The following RTTN variants were observed in gnomAD, a reference collection of about 807,000 sequenced individuals.
The protein encoded by RTTN is rotatin.
In RTTN, 182 loss-of-function variants were observed where a neutral mutation model predicts 269.2. That is an observed-to-expected ratio of 0.68 (90% confidence interval 0.60 to 0.76). The LOEUF is 0.76. RTTN is among the 30% of genes least tolerant of loss of function. RTTN has a pLI of 0.00. For synonymous variants in RTTN, 1,006 were observed against 963.5 expected (o/e 1.04, Z -0.82); for missense variants, 2,545 against 2,608.6 (o/e 0.98, Z 0.53).
intron 44 of RTTN, among the ~76,000 whole-genome samples, 167 bp downstream of exon 44, chr18:70,024,555 T>C (rs190167918): frequency 6.6e-5 from 10 of 152,344 alleles, no homozygotes; most frequent in Admixed American, 1.3e-4. Flanking sequence ...CTAAAATATC[T>C]GTCTGCTCTC....
chr18:70,017,488 T>G lies in RTTN; in HGVS notation c.6340A>C (p.Lys2114Gln), dbSNP rs762696565. 6.2e-7 allele frequency: 1 copy of G among 1,614,076 alleles called. No homozygotes were observed. Among genetic ancestry groups the G allele is most frequent in the South Asian group, 1.1e-5 (1 of 91,086 alleles). The change falls in exon 46 of 49, where the codon AAG (lysine) becomes CAG (glutamine). Residue 2114 changes from lysine to glutamine, a missense_variant. Transcript: ENST00000640769. The stretch of plus-strand genomic sequence containing the variant: ...AGAAGAGGCAATAAAGGGCTGCTCT[T>G]GTGCTTGTATTTGCTCATCTCTGTT... ...LLTEMSKYKH[K>Q]SSPLLPLLIF...
chr18:70,020,496 C>A, intron 45 of RTTN, 119 bp downstream of exon 45: 1 of 1,023,182 alleles, frequency 9.8e-7, no homozygotes, highest in Non-Finnish European at 1.4e-6. Context: ...TTTTATAATC[C>A]TTTAAAATAA....
At position 70,201,880 on chromosome 18, in the gene RTTN, C is replaced by T. The variant is rs2061961357; in HGVS notation, c.487+14G>A. 2.6e-6 allele frequency: 4 copies of T among 1,535,922 alleles called. No individual in the cohort carries two copies. Among genetic ancestry groups the T allele is most frequent in the East Asian group, 2.3e-5 (1 of 44,096 alleles). On this transcript the variant is annotated intron_variant, in intron 4 of 48. Transcript: ENST00000640769. ...TCCCAAGTCAACAGGATTTACTTCC[C>T]GACATATACACACCCACTGGTCGTG...
intron 8 of RTTN, chr18:70,192,995 T>C (rs2061714209): frequency 3.9e-6 from 1 of 253,426 alleles, no homozygotes; most frequent in Non-Finnish European, 7.4e-6. Flanking sequence ...CAGAATACTA[T>C]TATGTGAACA....
intron 6 of RTTN, 41 bp downstream of exon 6, chr18:70,197,583 T>C: frequency 7.7e-7 from 1 of 1,304,718 alleles, no homozygotes; most frequent in Non-Finnish European, 1.1e-6. Context: ...TGCAAAAAGT[T>C]CTCTAGTTCA....
At chr18:70,074,573 T>C (rs563953439) in intron 33 of RTTN, among the ~76,000 whole-genome samples, 6 of 152,154 alleles carry the variant, frequency 3.9e-5, no homozygotes, top group Admixed American at 2.0e-4. Flanking sequence ...TATACACACA[T>C]ACACACACAT....
intron 28 of RTTN, among the ~76,000 whole-genome samples, chr18:70,094,398 T>C (rs1282627295): frequency 3.9e-5 from 6 of 152,192 alleles, no homozygotes; most frequent in African/African-American, 1.4e-4. Flanking sequence ...TGTTAGGGTG[T>C]CGATTTTAGA....
intron 14 of RTTN, among the ~76,000 whole-genome samples, chr18:70,157,158 A>C (rs888722673): frequency 4.0e-5 from 6 of 151,858 alleles, no homozygotes; most frequent in African/African-American, 1.5e-4. Context: ...CCACAAGTGC[A>C]CTCTCCCAAA....
chr18:70,101,585 G>T (rs142889469), intron 28 of RTTN, among the ~76,000 whole-genome samples: 1 of 151,852 alleles, frequency 6.6e-6, no homozygotes, highest in African/African-American at 2.4e-5. Flanking sequence ...CTTCATTTCT[G>T]CTCTGTTCTT....
chr18:70,042,383 TTTTTTTTTTTG>T (rs1433891488), intron 40 of RTTN, among the ~76,000 whole-genome samples: 5 of 138,498 alleles, frequency 3.6e-5, no homozygotes, highest in African/African-American at 1.4e-4. Flanking sequence ...TTTTTTTTTT[TTTTTTTTTTTG>T]AGACGGAGTC....
Position 70,092,163 on chromosome 18 carries a change from T to C in RTTN, c.4090A>G (p.Thr1364Ala). ...LGSHSEEHIP[T>A]QQGLAWLIPL... The stretch of plus-strand genomic sequence containing the variant: ...ATCAACCAAGCCAATCCTTGTTGAG[T>C]AGGAATATGTTCTTCACTATGACTA... The change falls in exon 30 of 49, where the codon ACT (threonine) becomes GCT (alanine). Residue 1364 changes from threonine (T) to alanine (A), a missense_variant. By Grantham distance (58) the Thr-to-Ala change is moderately conservative. Transcript: ENST00000640769. 1 of 1,613,650 alleles carries C rather than the reference T, an allele frequency of 6.2e-7. No individual in the cohort carries two copies. Among genetic ancestry groups the C allele is most frequent in the Non-Finnish European group, 8.5e-7 (1 of 1,179,704 alleles).
rs1386808476 is a variant in RTTN, at chr18:70,092,008, C to T, written c.4143+102G>A. 6.5e-6 allele frequency: 4 copies of T among 618,572 alleles called. No individual in the cohort carries two copies. In the East Asian group the frequency reaches 1.3e-4, roughly 21 times the overall value. 38.3% of individuals were successfully genotyped at this position (618,572 alleles called of 1,614,324 possible). ...GACCTCGTGATCTGCCCACCTCAGCCTCCCAACAAGCTGGGATTACAGGCA... is the reference window on the plus strand; with the variant it reads ...GACCTCGTGATCTGCCCACCTCAGCTTCCCAACAAGCTGGGATTACAGGCA... On this transcript the variant is annotated intron_variant, in intron 30 of 48. Coordinates refer to ENST00000640769, the MANE Select transcript of RTTN (RefSeq NM_173630.4).
intron 14 of RTTN, among the ~76,000 whole-genome samples, chr18:70,153,760 A>T (rs1178158274): frequency 6.6e-6 from 1 of 152,192 alleles, no homozygotes; most frequent in Non-Finnish European, 1.5e-5. Flanking sequence ...ATCCAAACCA[A>T]GATACTATAT....
chr18:70,010,095 T>C (rs1199442264), intron 46 of RTTN, among the ~76,000 whole-genome samples: 1 of 152,136 alleles, frequency 6.6e-6, no homozygotes, highest in East Asian at 1.9e-4. Context: ...AGCAAGTTCT[T>C]AGAGACCTAC....
chr18:70,158,740 T>G (rs1259145971), intron 14 of RTTN, among the ~76,000 whole-genome samples: 2 of 151,972 alleles, frequency 1.3e-5, no homozygotes, highest in Non-Finnish European at 2.9e-5. Context: ...AGTAATAGAA[T>G]GGAGATAAAG....
intron 21 of RTTN, chr18:70,138,485 G>T (rs962241928): frequency 5.3e-5 from 8 of 152,032 alleles, no homozygotes; most frequent in African/African-American, 1.9e-4. Context: ...TTCCATGCTT[G>T]AATAATTTAA....
chr18:70,058,911 G>C (rs1278089719), intron 36 of RTTN, among the ~76,000 whole-genome samples: 2 of 152,200 alleles, frequency 1.3e-5, no homozygotes, highest in Non-Finnish European at 2.9e-5. Context: ...ACTTCTTTTA[G>C]AGTTTATATT....
chr18:70,029,882 C>A (rs2056962595), intron 42 of RTTN, 130 bp downstream of exon 42: 1 of 635,962 alleles, frequency 1.6e-6, no homozygotes, highest in African/African-American at 1.8e-5. Flanking sequence ...ATGTAGAAGT[C>A]TCATTAATTT....
chr18:70,006,389 A>C lies in RTTN; in HGVS notation c.6517T>G (p.Tyr2173Asp). The change falls in exon 47 of 49, where the codon TAT becomes GAT. Residue 2173 changes from tyrosine to aspartate, a missense_variant. By Grantham distance (160) the Tyr-to-Asp change is radical. Coordinates refer to ENST00000640769, the MANE Select transcript of RTTN (RefSeq NM_173630.4). ...TGATTTTTAAAACTGACCTTCTGAT[A>C]ATTGTAAATCAGAGCCCAAAGGGCA... ...AAALWALIYN[Y>D]QKAKTALKSP... The C allele has an allele frequency of 6.2e-7, 1 of 1,611,858 alleles. No homozygotes were observed. Among genetic ancestry groups the C allele is most frequent in the Non-Finnish European group, 8.5e-7 (1 of 1,177,936 alleles).
Sources: allele counts gnomAD v4.1 joint callset (sites outside exome capture counted in the v4.1 genomes callset), GRCh38; gene constraint gnomAD v4.1.1; transcripts MANE v1.5; gene names NCBI Gene and HGNC (gene_info 2026-07-23, HGNC 2026-07-21).